MEGF6: variants seen among roughly 807,000 people sequenced by gnomAD.
MEGF6 encodes the protein multiple epidermal growth factor-like domains protein 6.
In MEGF6, 184 loss-of-function variants were observed where a neutral mutation model predicts 207.1. That is an observed-to-expected ratio of 0.89 (90% confidence interval 0.79 to 1.00). MEGF6 has a LOEUF of 1.00. Ranked by LOEUF, MEGF6 falls within the 50% of genes least tolerant of loss-of-function variation. MEGF6 has a pLI of 0.00. For synonymous variants in MEGF6, 1,038 were observed against 910.0 expected (o/e 1.14, Z -2.53); for missense variants, 2,282 against 2,202.9 (o/e 1.04, Z -0.72).
Position 3,496,036 on chromosome 1 carries a change from G to A in MEGF6, c.3743-18C>T. 5 of 1,500,862 alleles carry A rather than the reference G, an allele frequency of 3.3e-6. No homozygotes were observed. The highest frequency in any genetic ancestry group is 4.4e-6 in the Non-Finnish European group (5 of 1,129,618). 93.0% of individuals were successfully genotyped at this position (1,500,862 alleles called of 1,614,324 possible). On this transcript the variant is annotated intron_variant, in intron 29 of 36. Coordinates refer to ENST00000356575, the MANE Select transcript of MEGF6 (RefSeq NM_001409.4). ...CGGACAGGCTGCCGGGGAGGAAGTG[G>A]TGATCGTGGCTGGCTTCCCTTCTCT... is the stretch of plus-strand genomic sequence containing the variant.
In MEGF6 at chr1:3,494,625, G is replaced by T; in HGVS notation, c.3988C>A (p.His1330Asn). 6.4e-7 allele frequency: 1 copy of T among 1,562,356 alleles called. No individual in the cohort carries two copies. ...CSCGLGWTGRHCELACPPGRY... is the reference protein window; with the variant it reads ...CSCGLGWTGRNCELACPPGRY... ...CCCGCACACTCACCCAGCTCGCAGT[G>T]CCGCCCCGTCCAGCCCAGGCCACAG... Residue 1330 changes from histidine (H) to asparagine (N), a missense_variant, in exon 31 of 37, where the codon CAC becomes AAC. Physicochemically the swap from His to Asn is moderately conservative, Grantham distance 68. Transcript: ENST00000356575.
chr1:3,530,560 C>T (rs867844272), intron 4 of MEGF6, among the ~76,000 whole-genome samples: 2 of 152,174 alleles, frequency 1.3e-5, no homozygotes, highest in African/African-American at 2.4e-5. Flanking sequence ...AGAGGCAGGA[C>T]GGAACGAGAG....
chr1:3,546,415 C>T (rs1642706116), intron 4 of MEGF6, among the ~76,000 whole-genome samples: 3 of 152,250 alleles, frequency 2.0e-5, no homozygotes, highest in Admixed American at 1.3e-4. Context: ...AACACCAGGT[C>T]CTCTGAGTCC....
intron 4 of MEGF6, among the ~76,000 whole-genome samples, chr1:3,569,025 G>A (rs1185216467): frequency 6.6e-6 from 1 of 152,186 alleles, no homozygotes; most frequent in African/African-American, 2.4e-5. Flanking sequence ...CACTCAGCTG[G>A]CAGCTGCCCG....
At chr1:3,559,346 G>A (rs758644327) in intron 4 of MEGF6, among the ~76,000 whole-genome samples, 3 of 151,954 alleles carry the variant, frequency 2.0e-5, no homozygotes, top group African/African-American at 7.2e-5. Context: ...TAGGAACCTC[G>A]ACATTTGACC....
At position 3,499,204 on chromosome 1, in the gene MEGF6, A is replaced by G; in HGVS notation, c.3028T>C (p.Ser1010Pro). 1 of 1,604,706 alleles carries G rather than the reference A, an allele frequency of 6.2e-7. No homozygotes were observed. The highest frequency in any genetic ancestry group is 1.1e-5 in the South Asian group (1 of 89,216). The change falls in exon 24 of 37, where the codon TCC becomes CCC. Residue 1010 changes from serine to proline, a missense_variant. Ser to Pro is a moderately conservative substitution (Grantham distance 74, BLOSUM62 -1). Coordinates refer to ENST00000356575, the MANE Select transcript of MEGF6 (RefSeq NM_001409.4). ...CACTGCCCGTGGACAGGGTCACAGGAGGCCCCGTTAAAGCAGGCACAGGCC... is the reference window on the plus strand; with the variant it reads ...CACTGCCCGTGGACAGGGTCACAGGGGGCCCCGTTAAAGCAGGCACAGGCC... ...SQACACFNGA[S>P]CDPVHGQCHC...
chr1:3,497,337 T>C lies in MEGF6; in HGVS notation c.3377A>G (p.Glu1126Gly), dbSNP rs747967908. Residue 1126 changes from glutamate to glycine, a missense_variant, in exon 27 of 37, where the codon GAG becomes GGG. By Grantham distance (98) the Glu-to-Gly change is moderately conservative. Coordinates refer to ENST00000356575, the MANE Select transcript of MEGF6 (RefSeq NM_001409.4). ...GCAGCTGCAGCGCTGGGCACAGGCC[T>C]CTCCAAACCAGCCCCGCAGGCAGGC... ...QSPCLRGWFGEACAQRCSCPP... is the reference protein window; with the variant it reads ...QSPCLRGWFGGACAQRCSCPP... The C allele has an allele frequency of 3.9e-6, 6 of 1,549,396 alleles. No individual in the cohort carries two copies. Among genetic ancestry groups the C allele is most frequent in the Non-Finnish European group, 4.3e-6 (5 of 1,153,112 alleles).
At chr1:3,501,333 C>G (rs1260161179) in intron 18 of MEGF6, 25 bp from the exon 19 acceptor site, 3 of 1,580,854 alleles carry the variant, frequency 1.9e-6, no homozygotes, top group South Asian at 1.1e-5. Context: ...CATGGCCAGT[C>G]AGTGCCCAAG....
rs1643884985 is a variant in MEGF6 at position 3,585,773 on chromosome 1, C to T, written c.377-5844G>A. ...GACACATGTCCTGTGTGTGAGGACA[C>T]TTGTCCTGTGTGTGGGTGTGAGTGA... is the stretch of plus-strand genomic sequence containing the variant. On this transcript the variant is annotated intron_variant, in intron 3 of 36. Transcript: ENST00000356575. 1.6e-5 allele frequency among the ~76,000 whole-genome samples: 2 copies of T among 127,654 alleles called. 1 individual carries two copies. Among genetic ancestry groups the T allele is most frequent in the Non-Finnish European group, 3.2e-5 (2 of 62,036 alleles). The allele number at this position is 127,654 out of a possible 152,430, so 83.7% of individuals were successfully genotyped here. A position where few individuals can be genotyped will look rare whatever the true frequency, so the allele number is the denominator to read the frequency against.
In MEGF6 at chr1:3,594,376, C is replaced by T. The variant is rs1644026289; in HGVS notation, c.376+962G>A. Among the ~76,000 whole-genome samples the T allele has an allele frequency of 6.6e-6, 1 of 152,182 alleles. No homozygotes were observed. Among genetic ancestry groups the T allele is most frequent in the South Asian group, 2.1e-4 (1 of 4,826 alleles). On this transcript the variant is annotated intron_variant, in intron 3 of 36. Transcript: ENST00000356575. The surrounding 1 kb of genome is among the most constrained non-coding windows in gnomAD (Gnocchi z 4.2). ...TCCAGGAATTTGAGGCTGCAGTGAG[C>T]TATGGTGGTGCCACTGCACTCCAGC... is the stretch of plus-strand genomic sequence containing the variant.
chr1:3,578,540 G>GA (rs1251032605), intron 4 of MEGF6, among the ~76,000 whole-genome samples: 2 of 152,208 alleles, frequency 1.3e-5, no homozygotes, highest in East Asian at 3.9e-4. Context: ...GGGCCCTGGG[G>GA]GGGGGGGGCC....
chr1:3,587,065 A>G (rs555926749), intron 3 of MEGF6, among the ~76,000 whole-genome samples: 1 of 152,380 alleles, frequency 6.6e-6, no homozygotes, highest in East Asian at 1.9e-4. Flanking sequence ...CACCCTTGAC[A>G]TAAGTAACTC....
intron 4 of MEGF6, chr1:3,531,483 C>T (rs1642169668): frequency 2.8e-6 from 3 of 1,073,130 alleles, no homozygotes; most frequent in Non-Finnish European, 3.4e-6. Context: ...AAGGCCAAGT[C>T]CGCAGACAAC....
chr1:3,490,713 T>TGGGGCCCACCCATCCTTC (rs1640319408), intron 36 of MEGF6, 124 bp from the exon 37 acceptor site: 1 of 944,514 alleles, frequency 1.1e-6, no homozygotes, highest in African/African-American at 1.7e-5. Context: ...AGCAGGTGGG[T>TGGGGCCCACCCATCCTTC]GGGGCCCACC....
chr1:3,562,536 G>T lies in MEGF6; in HGVS notation c.481+17289C>A, dbSNP rs193018473. Among the ~76,000 whole-genome samples the T allele has an allele frequency of 9.8e-5, 15 of 152,346 alleles. 1 individual carries two copies. The highest frequency in any genetic ancestry group is 9.8e-4 in the Admixed American group (15 of 15,308). ...ATCCCCCTCAGTCTGGACACAGGCT[G>T]TGACACTCCCTGCGCCTCTGGCTCA... On this transcript the variant is annotated intron_variant, in intron 4 of 36. Transcript: ENST00000356575.
chr1:3,605,016 G>A (rs1284195515), intron 1 of MEGF6, among the ~76,000 whole-genome samples: 1 of 151,892 alleles, frequency 6.6e-6, no homozygotes, highest in Non-Finnish European at 1.5e-5. Context: ...GCTGACCTCT[G>A]TGGATCACAT....
chr1:3,579,718 G>T, intron 4 of MEGF6, 107 bp downstream of exon 4: 1 of 685,102 alleles, frequency 1.5e-6, no homozygotes, highest in Non-Finnish European at 2.3e-6. Flanking sequence ...CACTCGGGGT[G>T]TCCCCTACAC....
Position 3,501,314 on chromosome 1 carries a change from G to A in MEGF6, c.2315-6C>T, listed in dbSNP as rs533888256. On this transcript the variant is annotated splice_region_variant and splice_polypyrimidine_tract_variant and intron_variant, in intron 18 of 36. Transcript: ENST00000356575. ...CCAGCGGCCCTCGGGACAATCTAGTGCCCACCCCCATGGCCAGTCAGTGCC... is the reference window on the plus strand; with the variant it reads ...CCAGCGGCCCTCGGGACAATCTAGTACCCACCCCCATGGCCAGTCAGTGCC... The A allele has an allele frequency of 1.9e-5, 30 of 1,593,186 alleles. 1 individual carries two copies. In the South Asian group the frequency reaches 3.0e-4, roughly 16 times the overall value.
chr1:3,568,489 T>C (rs74048632), intron 4 of MEGF6, among the ~76,000 whole-genome samples: 4,003 of 151,834 alleles, frequency 0.026, 171 homozygotes, highest in African/African-American at 0.093. Flanking sequence ...GCAGGCTCCT[T>C]AGGAGTCCCA....
Sources: gnomAD v4.1 joint callset for allele counts (sites outside exome capture counted in the v4.1 genomes callset) on GRCh38, gnomAD v4.1.1 for gene constraint, Gnocchi (gnomAD v3.1) non-coding constraint, MANE v1.5 for transcripts, NCBI Gene and HGNC (gene_info 2026-07-23, HGNC 2026-07-21) for gene names.